The following NALF1 variants were observed in gnomAD, a reference collection of about 807,000 sequenced individuals.
NALF1 encodes family with sequence similarity 155 member A.
Under a neutral mutation model 48.4 loss-of-function variants are expected in NALF1, and 3 were observed. The ratio of observed to expected loss-of-function variants is 0.06; its 90% CI spans 0.03 to 0.16. The LOEUF (loss-of-function observed/expected upper bound fraction) is 0.16, where lower values mean the gene tolerates loss of function less well. Ranked by LOEUF, NALF1 falls within the 10% of genes least tolerant of loss-of-function variation. The pLI is 1.00. For missense variants in NALF1, 526 were observed against 571.5 expected, an observed-to-expected ratio of 0.92 and a Z score of 0.81; for synonymous variants, 262 against 245.7, an observed-to-expected ratio of 1.07 and a Z score of -0.62.
chr13:107,223,392 A>AG (rs888066554), intron 1 of NALF1, among the ~76,000 whole-genome samples: 1 of 152,194 alleles, frequency 6.6e-6, no homozygotes, highest in African/African-American at 2.4e-5. Context: ...CAGCAGAAAA[A>AG]GGAAACATTT....
chr13:107,733,818 G>A (rs981890977), intron 1 of NALF1, among the ~76,000 whole-genome samples: 3 of 152,070 alleles, frequency 2.0e-5, no homozygotes, highest in African/African-American at 7.2e-5. Flanking sequence ...CTATTTCCTG[G>A]AAGAGGAAAG....
chr13:107,841,178 C>T (rs556380445), intron 1 of NALF1, among the ~76,000 whole-genome samples: 1 of 152,244 alleles, frequency 6.6e-6, no homozygotes, highest in African/African-American at 2.4e-5. Context: ...CATGCAATTA[C>T]ACTTATGCAT....
chr13:107,793,215 A>G (rs1438033426), intron 1 of NALF1, among the ~76,000 whole-genome samples: 2 of 152,226 alleles, frequency 1.3e-5, no homozygotes, highest in South Asian at 2.1e-4. Context: ...TTATTTCAAC[A>G]GGATAGCAGG....
chr13:107,669,270 A>G (rs1373996080), intron 1 of NALF1, among the ~76,000 whole-genome samples: 1 of 152,084 alleles, frequency 6.6e-6, no homozygotes, highest in Non-Finnish European at 1.5e-5. Context: ...GCATATGAAA[A>G]CACTTTATCC....
intron 1 of NALF1, among the ~76,000 whole-genome samples, chr13:107,767,757 TA>T (rs1329455301): frequency 6.6e-6 from 1 of 152,256 alleles, no homozygotes; most frequent in Non-Finnish European, 1.5e-5. Flanking sequence ...CATTATTTTT[TA>T]ATCTTGCCCT....
chr13:107,591,688 C>A (rs1167834847), intron 1 of NALF1, among the ~76,000 whole-genome samples: 1 of 151,870 alleles, frequency 6.6e-6, no homozygotes, highest in Non-Finnish European at 1.5e-5. Context: ...TTGCTTCATG[C>A]TGAAAGAAAC....
At chr13:107,648,850 G>T (rs1051305653) in intron 1 of NALF1, among the ~76,000 whole-genome samples, 1 of 152,132 alleles carries the variant, frequency 6.6e-6, no homozygotes, top group Admixed American at 6.6e-5. Context: ...ATTTGCTGTT[G>T]TCATTGTTTC....
intron 1 of NALF1, among the ~76,000 whole-genome samples, chr13:107,711,077 T>C (rs1275235321): frequency 6.6e-6 from 1 of 152,066 alleles, no homozygotes; most frequent in African/African-American, 2.4e-5. Context: ...TCCCTCCAAC[T>C]AATGTGATTT....
rs540719693 is a variant in NALF1, at chr13:107,767,241, A to G, written c.915+98441T>C. ...ACCTTTTAGGAGTTTTTCTAAAGTT[A>G]AAGTCACATTGTGCTTTGTGACTGG... On this transcript the variant is annotated intron_variant, in intron 1 of 2. Transcript: ENST00000375915. Among the ~76,000 whole-genome samples, 39 of 152,334 alleles carry G rather than the reference A, an allele frequency of 2.6e-4. 1 individual carries two copies. The highest frequency in any genetic ancestry group is 8.9e-4 in the African/African-American group (37 of 41,578).
intron 1 of NALF1, among the ~76,000 whole-genome samples, chr13:107,798,159 C>T (rs1415623458): frequency 6.6e-5 from 10 of 152,256 alleles, no homozygotes; most frequent in Non-Finnish European, 1.0e-4. Context: ...TGGGGCGCTA[C>T]GGCATCTGTC....
intron 1 of NALF1, among the ~76,000 whole-genome samples, chr13:107,403,073 C>T (rs1283669652): frequency 3.3e-5 from 5 of 151,550 alleles, no homozygotes; most frequent in African/African-American, 1.2e-4. Context: ...GTCCACAGGC[C>T]TGGTGATTTA....
At chr13:107,768,965 A>T (rs1251846933) in intron 1 of NALF1, among the ~76,000 whole-genome samples, 1 of 152,122 alleles carries the variant, frequency 6.6e-6, no homozygotes, top group African/African-American at 2.4e-5. Context: ...GCCATCAGAG[A>T]AATGCAAATC....
chr13:107,282,029 C>T (rs950940584), intron 1 of NALF1, among the ~76,000 whole-genome samples: 5 of 152,080 alleles, frequency 3.3e-5, no homozygotes, highest in Admixed American at 6.5e-5. Context: ...TATCATTGAC[C>T]CAGAAAGCTT....
intron 1 of NALF1, among the ~76,000 whole-genome samples, chr13:107,463,161 T>C (rs1454046515): frequency 2.6e-5 from 4 of 152,234 alleles, no homozygotes; most frequent in Non-Finnish European, 5.9e-5. Flanking sequence ...CTTTGTGATT[T>C]TATATAAATT....
chr13:107,393,271 A>T (rs182045157), intron 1 of NALF1, among the ~76,000 whole-genome samples: 2 of 152,286 alleles, frequency 1.3e-5, no homozygotes, highest in Admixed American at 1.3e-4. Context: ...CCAAAATTTT[A>T]GATTTAAAAT....
chr13:107,193,960 C>G (rs1456345323), intron 2 of NALF1, among the ~76,000 whole-genome samples: 1 of 152,084 alleles, frequency 6.6e-6, no homozygotes, highest in African/African-American at 2.4e-5. Flanking sequence ...CCATGTACAT[C>G]TACCACCAAT....
chr13:107,630,862 C>T lies in NALF1; in HGVS notation c.915+234820G>A, dbSNP rs142801817. On this transcript the variant is annotated intron_variant, in intron 1 of 2. Coordinates refer to ENST00000375915, the MANE Select transcript of NALF1 (RefSeq NM_001080396.3). ...TTTATGCTTACTTGACTGGCAGCTG[C>T]GGACAGCTACCTAGGTAACTGAACT... 3.0e-3 allele frequency among the ~76,000 whole-genome samples: 456 copies of T among 152,206 alleles called. 3 individuals carry two copies. Among genetic ancestry groups the T allele is most frequent in the African/African-American group, 0.01 (426 of 41,526 alleles).
intron 1 of NALF1, among the ~76,000 whole-genome samples, chr13:107,255,017 A>G (rs1880784527): frequency 6.6e-6 from 1 of 152,224 alleles, no homozygotes; most frequent in South Asian, 2.1e-4. Context: ...TATTCAAAAT[A>G]TCTTAATTTT....
intron 1 of NALF1, among the ~76,000 whole-genome samples, chr13:107,748,776 AC>A (rs1461696047): frequency 6.6e-6 from 1 of 152,206 alleles, no homozygotes; most frequent in Non-Finnish European, 1.5e-5. Flanking sequence ...GATTTCACAC[AC>A]ATTATTTGAT....
Sources: allele counts gnomAD v4.1 joint callset (sites outside exome capture counted in the v4.1 genomes callset), GRCh38; gene constraint gnomAD v4.1.1; transcripts MANE v1.5; gene names NCBI Gene and HGNC (gene_info 2026-07-23, HGNC 2026-07-21).